The following DNA2 variants were observed in gnomAD, a reference collection of about 807,000 sequenced individuals.
DNA2 encodes DNA replication ATP-dependent helicase/nuclease DNA2.
DNA2 carries 101 observed loss-of-function variants against 119.1 expected under a neutral mutation model. The ratio of observed to expected loss-of-function variants is 0.85; its 90% CI spans 0.72 to 1.00. The LOEUF (loss-of-function observed/expected upper bound fraction) is 1.00. DNA2 is among the 50% of genes least tolerant of loss of function. The pLI, the probability that DNA2 is intolerant of heterozygous loss-of-function variation, is 0.00. For missense variants in DNA2, 1,121 were observed against 1,255.5 expected, an observed-to-expected ratio of 0.89 and a Z score of 1.62; for synonymous variants, 366 against 424.4, an observed-to-expected ratio of 0.86 and a Z score of 1.69.
Position 68,437,185 on chromosome 10 carries a change from A to C in DNA2, c.1472T>G (p.Val491Gly). The change falls in exon 10 of 21, where the codon GTT becomes GGT. Residue 491 changes from valine to glycine, a missense_variant. Coordinates refer to ENST00000358410, the MANE Select transcript of DNA2 (RefSeq NM_001080449.3). ...ATTATGTAAATATTGCCCATCACAAACTATCTTTACATGTTCCATTCTAAT... is the reference window on the plus strand; with the variant it reads ...ATTATGTAAATATTGCCCATCACAACCTATCTTTACATGTTCCATTCTAAT... Reference protein sequence around the residue: ...NLIRMEHVKIVCDGQYLHNFQ... With the variant: ...NLIRMEHVKIGCDGQYLHNFQ... 6.2e-7 allele frequency: 1 copy of C among 1,613,702 alleles called. No homozygotes were observed. The highest frequency in any genetic ancestry group is 8.5e-7 in the Non-Finnish European group (1 of 1,179,696).
chr10:68,453,404 C>T lies in DNA2; in HGVS notation c.720-3157G>A, dbSNP rs764224208. 1.6e-4 allele frequency among the ~76,000 whole-genome samples: 25 copies of T among 151,978 alleles called. No homozygotes were observed. In the Middle Eastern group the frequency reaches 0.01, roughly 62 times the overall value. ...TTTAAGTTCTAACTTTGTTACAGTACAGTTGCGGAACATCGTTTCTAAGAT... is the reference window on the plus strand; with the variant it reads ...TTTAAGTTCTAACTTTGTTACAGTATAGTTGCGGAACATCGTTTCTAAGAT... On this transcript the variant is annotated intron_variant, in intron 5 of 20. Coordinates refer to ENST00000358410, the MANE Select transcript of DNA2 (RefSeq NM_001080449.3).
intron 10 of DNA2, among the ~76,000 whole-genome samples, chr10:68,435,513 G>A (rs2133384399): frequency 6.6e-6 from 1 of 152,242 alleles, no homozygotes; most frequent in South Asian, 2.1e-4. Context: ...CTGGAGGGCA[G>A]TGGTGCAATC....
At chr10:68,437,553 G>T (rs749155948) in intron 9 of DNA2, among the ~76,000 whole-genome samples, 1 of 152,050 alleles carries the variant, frequency 6.6e-6, no homozygotes. Context: ...AGGAGGCTGA[G>T]GCAGGAGAAT....
At chr10:68,461,510 T>C (rs7895191) in intron 4 of DNA2, 22,418 of 151,712 alleles carry the variant, frequency 0.15, 1,804 homozygotes, top group East Asian at 0.26. Context: ...CCTGGGAATA[T>C]TGGGTGCTGT....
In DNA2 at chr10:68,432,187, C is replaced by T. The variant is rs775963035; in HGVS notation, c.1873+19G>A. ...AACAAGAAAAATTAATCAAAGCAGACATGGTGATTTTAGCATACCCTTTAG... is the reference window on the plus strand; with the variant it reads ...AACAAGAAAAATTAATCAAAGCAGATATGGTGATTTTAGCATACCCTTTAG... On this transcript the variant is annotated intron_variant, in intron 12 of 20. Transcript: ENST00000358410. 6 of 1,471,886 alleles carry T rather than the reference C, an allele frequency of 4.1e-6. No individual in the cohort carries two copies. Among genetic ancestry groups the T allele is most frequent in the Non-Finnish European group, 5.6e-6 (6 of 1,074,236 alleles). 91.2% of individuals were successfully genotyped at this position (1,471,886 alleles called of 1,614,324 possible). A position where few individuals can be genotyped will look rare whatever the true frequency, so the allele number is the denominator to read the frequency against.
In DNA2 at chr10:68,465,717, T is replaced by C. The variant is rs756304966; in HGVS notation, c.537A>G (p.Leu179=). 2.5e-5 allele frequency: 41 copies of C among 1,608,486 alleles called. No homozygotes were observed. Among genetic ancestry groups the C allele is most frequent in the Middle Eastern group, 1.6e-4 (1 of 6,068 alleles). ...GAATTGTTTGAAAAGCAAGTTCTTGTAGCTTTTCTGGGGCAAAGCTATTAT... is the reference window on the plus strand; with the variant it reads ...GAATTGTTTGAAAAGCAAGTTCTTGCAGCTTTTCTGGGGCAAAGCTATTAT... ...AINNSFAPEK[L]QELAFQTIQE... is the part of the protein sequence containing the mutation. The change falls in exon 4 of 21, where the codon CTA becomes CTG. Residue 179 remains leucine (L), a synonymous_variant. Coordinates refer to ENST00000358410, the MANE Select transcript of DNA2 (RefSeq NM_001080449.3).
intron 3 of DNA2, among the ~76,000 whole-genome samples, chr10:68,466,988 C>T (rs1201014588): frequency 1.3e-5 from 2 of 152,206 alleles, no homozygotes; most frequent in African/African-American, 2.4e-5. Flanking sequence ...TTCAGTGACA[C>T]ACTGCACTCC....
chr10:68,439,422 C>T (rs971512161), intron 9 of DNA2, among the ~76,000 whole-genome samples: 8 of 151,974 alleles, frequency 5.3e-5, no homozygotes, highest in African/African-American at 7.3e-5. Context: ...TTTTTGAGGC[C>T]GGGTGCAGGG....
chr10:68,465,621 G>A, intron 4 of DNA2, 46 bp downstream of exon 4: 1 of 1,391,154 alleles, frequency 7.2e-7, no homozygotes, highest in South Asian at 1.5e-5. Context: ...TAGGACAGAA[G>A]TTATATAATA....
chr10:68,444,203 A>C (rs1021744036), intron 8 of DNA2, among the ~76,000 whole-genome samples: 3 of 151,842 alleles, frequency 2.0e-5, no homozygotes, highest in African/African-American at 7.3e-5. Context: ...CATCCTGGCC[A>C]ACATGGTGAA....
intron 14 of DNA2, among the ~76,000 whole-genome samples, chr10:68,427,363 A>C (rs1028716968): frequency 2.0e-5 from 3 of 150,128 alleles, no homozygotes; most frequent in African/African-American, 7.4e-5. Flanking sequence ...CAAAAAAAAA[A>C]CCCCACCACA....
intron 5 of DNA2, among the ~76,000 whole-genome samples, chr10:68,455,751 G>A (rs1590070070): frequency 1.3e-5 from 2 of 152,092 alleles, no homozygotes; most frequent in East Asian, 3.9e-4. Context: ...AACCCAGGAA[G>A]CAGAGGTTGC....
chr10:68,472,111 G>A, upstream of DNA2: 5 of 1,504,602 alleles, frequency 3.3e-6, no homozygotes, highest in East Asian at 2.6e-5. Context: ...TGGGAATACA[G>A]GGAGTCTTCA....
At chr10:68,441,335 T>TAAA (rs35334686) in intron 9 of DNA2, among the ~76,000 whole-genome samples, 4 of 121,102 alleles carry the variant, frequency 3.3e-5, no homozygotes, top group Admixed American at 9.0e-5. Flanking sequence ...CCCTGTCTCT[T>TAAA]AAAAAAAAAA....
At chr10:68,427,364 C>A (rs113347749) in intron 14 of DNA2, among the ~76,000 whole-genome samples, 8,578 of 148,576 alleles carry the variant, frequency 0.058, 777 homozygotes, top group African/African-American at 0.2. Context: ...AAAAAAAAAA[C>A]CCCACCACAT....
At chr10:68,460,448 A>C (rs941010040) in intron 4 of DNA2, among the ~76,000 whole-genome samples, 4 of 144,564 alleles carry the variant, frequency 2.8e-5, no homozygotes, top group East Asian at 2.0e-4. Flanking sequence ...AGAGAGTTTC[A>C]CTCTTGTTGC....
rs1367260104 is a variant in DNA2 at position 68,471,681 on chromosome 10, G to A, written c.74+110C>T. The A allele has an allele frequency of 1.1e-5, 15 of 1,341,848 alleles. No homozygotes were observed. In the Middle Eastern group the frequency reaches 8.2e-4, roughly 73 times the overall value. 83.1% of individuals were successfully genotyped at this position (1,341,848 alleles called of 1,614,324 possible). On this transcript the variant is annotated intron_variant, in intron 1 of 20. Coordinates refer to ENST00000358410, the MANE Select transcript of DNA2 (RefSeq NM_001080449.3). ...TCGGGTGCCCAGGGAGCTGCACCGG[G>A]TCCCTGGGCCCCGGGCCCGGTCAGT...
chr10:68,415,249 G>T, intron 20 of DNA2, 142 bp from the exon 21 acceptor site: 1 of 554,626 alleles, frequency 1.8e-6, no homozygotes, highest in South Asian at 2.8e-5. Flanking sequence ...GAATAATTAT[G>T]CCTTTAAGCA....
chr10:68,439,220 C>G (rs1368224493), intron 9 of DNA2, among the ~76,000 whole-genome samples: 1 of 150,994 alleles, frequency 6.6e-6, no homozygotes, highest in Non-Finnish European at 1.5e-5. Flanking sequence ...CATGAAGAAA[C>G]CCCATCCCTA....
Sources: gnomAD v4.1 joint callset for allele counts (sites outside exome capture counted in the v4.1 genomes callset) on GRCh38, gnomAD v4.1.1 for gene constraint, MANE v1.5 for transcripts, NCBI Gene and HGNC (gene_info 2026-07-23, HGNC 2026-07-21) for gene names.